Variants in TNR observed in about 807,000 individuals in gnomAD.
TNR encodes the protein tenascin R.
In TNR, 45 loss-of-function variants were observed where a neutral mutation model predicts 150.4. The observed-to-expected ratio is 0.30, with a 90% CI of 0.24 to 0.38. The LOEUF is 0.38. Among genes scored for constraint, TNR ranks in the 10% least tolerant of loss-of-function variants. TNR has a pLI of 1.00. For synonymous variants in TNR, 687 were observed against 678.4 expected, an observed-to-expected ratio of 1.01 and a Z score of -0.20; for missense variants, 1,544 against 1,759.1, an observed-to-expected ratio of 0.88 and a Z score of 2.19.
chr1:175,647,285 C>G (rs1377951488), intron 1 of TNR, among the ~76,000 whole-genome samples: 2 of 152,002 alleles, frequency 1.3e-5, no homozygotes, highest in Admixed American at 1.3e-4. Flanking sequence ...ACCACATGCA[C>G]AAAAAATGGT....
chr1:175,439,525 G>A (rs1485049179), intron 2 of TNR, among the ~76,000 whole-genome samples: 4 of 152,220 alleles, frequency 2.6e-5, no homozygotes, highest in South Asian at 4.2e-4. Flanking sequence ...ACTGACAAAT[G>A]GGATCTAATT....
chr1:175,356,202 C>T, intron 16 of TNR, 117 bp downstream of exon 16: 1 of 1,393,690 alleles, frequency 7.2e-7, no homozygotes, highest in South Asian at 1.4e-5. Context: ...CAAATAAGAA[C>T]AGCTCATAGC....
At chr1:175,359,533 T>A in intron 15 of TNR, 79 bp downstream of exon 15, 1 of 1,607,376 alleles carries the variant, frequency 6.2e-7, no homozygotes, top group East Asian at 2.2e-5. Flanking sequence ...AAATGTTTTG[T>A]TTATTCACAT....
intron 2 of TNR, among the ~76,000 whole-genome samples, chr1:175,460,708 G>A (rs993424945): frequency 6.6e-6 from 1 of 152,152 alleles, no homozygotes; most frequent in Non-Finnish European, 1.5e-5. Flanking sequence ...ACTTGTCCAA[G>A]GTGGCAAAGG....
chr1:175,503,750 G>A (rs1239031745), intron 2 of TNR, among the ~76,000 whole-genome samples: 6 of 152,208 alleles, frequency 3.9e-5, no homozygotes, highest in South Asian at 2.1e-4. Context: ...TTTGCAGAGA[G>A]TAAATTAAGG....
intron 1 of TNR, among the ~76,000 whole-genome samples, chr1:175,570,590 C>A (rs746155828): frequency 2.0e-5 from 3 of 152,078 alleles, no homozygotes; most frequent in African/African-American, 7.2e-5. Flanking sequence ...TTTTCATGTA[C>A]GAAGATTGAA....
intron 2 of TNR, among the ~76,000 whole-genome samples, chr1:175,408,251 T>C (rs1234778796): frequency 6.6e-6 from 1 of 152,198 alleles, no homozygotes; most frequent in African/African-American, 2.4e-5. Flanking sequence ...TGCATAGTTG[T>C]TGAATAAGTG....
intron 2 of TNR, among the ~76,000 whole-genome samples, chr1:175,448,605 A>G (rs928833379): frequency 1.3e-5 from 2 of 152,208 alleles, no homozygotes; most frequent in African/African-American, 4.8e-5. Flanking sequence ...GTTCACATGT[A>G]ACACATAGAC....
chr1:175,425,516 T>TATC (rs1654931047), intron 2 of TNR, among the ~76,000 whole-genome samples: 2 of 152,206 alleles, frequency 1.3e-5, no homozygotes, highest in South Asian at 4.1e-4. Flanking sequence ...ATCAGAAGTG[T>TATC]ATGATATGAC....
intron 4 of TNR, 74 bp downstream of exon 4, chr1:175,403,066 C>T (rs1653786274): frequency 6.3e-6 from 8 of 1,275,896 alleles, no homozygotes; most frequent in South Asian, 1.3e-5. Flanking sequence ...TCTTTCTTCC[C>T]AAGCTAACTG....
rs77466222 is a variant in TNR, at chr1:175,524,573, G to A, written c.-64+3696C>T. On this transcript the variant is annotated intron_variant, in intron 2 of 22. Transcript: ENST00000367674. ...TAAGGAAGAGACCAAGGACTCATTG[G>A]AAGAGTTAGTTGTGGCCAGGAGGAA... Among the ~76,000 whole-genome samples the A allele has an allele frequency of 7.0e-3, 1,059 of 152,222 alleles. 8 individuals are homozygous for A. Among genetic ancestry groups the A allele is most frequent in the Non-Finnish European group, 0.011 (780 of 68,022 alleles).
chr1:175,339,212 T>C (rs916017871), intron 18 of TNR, among the ~76,000 whole-genome samples: 1 of 152,228 alleles, frequency 6.6e-6, no homozygotes, highest in African/African-American at 2.4e-5. Flanking sequence ...TGCACTCTAC[T>C]AAAGCAGGAA....
intron 1 of TNR, among the ~76,000 whole-genome samples, chr1:175,586,451 C>T (rs968370069): frequency 1.3e-5 from 2 of 152,144 alleles, no homozygotes; most frequent in African/African-American, 4.8e-5. Flanking sequence ...CAGGCATCCG[C>T]CACCATGGCC....
At chr1:175,695,985 TATGGATGG>T (rs112381209) in intron 1 of TNR, among the ~76,000 whole-genome samples, 2 of 148,844 alleles carry the variant, frequency 1.3e-5, no homozygotes, top group African/African-American at 5.1e-5. Flanking sequence ...CAGATGGATA[TATGGATGG>T]ATGGATGGAT....
intron 2 of TNR, among the ~76,000 whole-genome samples, chr1:175,434,958 C>T (rs1655432842): frequency 6.6e-6 from 1 of 152,196 alleles, no homozygotes; most frequent in Non-Finnish European, 1.5e-5. Flanking sequence ...CTTTTCACTC[C>T]CACAGCCAGC....
chr1:175,726,144 G>T (rs1320613349), intron 1 of TNR, among the ~76,000 whole-genome samples: 1 of 152,120 alleles, frequency 6.6e-6, no homozygotes, highest in East Asian at 1.9e-4. Flanking sequence ...AGTTATTAGT[G>T]CTATTGGGTA....
At chr1:175,479,884 C>A (rs1197302883) in intron 2 of TNR, among the ~76,000 whole-genome samples, 1 of 152,052 alleles carries the variant, frequency 6.6e-6, no homozygotes, top group Non-Finnish European at 1.5e-5. Context: ...AAATGCATAA[C>A]CATCCACTAA....
At chr1:175,721,323 G>C (rs918820203) in intron 1 of TNR, among the ~76,000 whole-genome samples, 1 of 152,118 alleles carries the variant, frequency 6.6e-6, no homozygotes, top group Admixed American at 6.5e-5. Flanking sequence ...ATTTCTTTGA[G>C]TTAGAGTGTA....
intron 1 of TNR, among the ~76,000 whole-genome samples, chr1:175,591,124 T>C (rs573801494): frequency 1.3e-5 from 2 of 152,208 alleles, no homozygotes; most frequent in African/African-American, 4.8e-5. Context: ...CACATCCTCC[T>C]GGCCACCTCC....
Sources: allele counts gnomAD v4.1 joint callset (sites outside exome capture counted in the v4.1 genomes callset), GRCh38; gene constraint gnomAD v4.1.1; transcripts MANE v1.5; gene names NCBI Gene and HGNC (gene_info 2026-07-23, HGNC 2026-07-21).